SH3BP4: variants seen among roughly 807,000 people sequenced by gnomAD.
SH3BP4 encodes SH3 domain-binding protein 4.
Under a neutral mutation model 65.5 loss-of-function variants are expected in SH3BP4, and 33 were observed. The ratio of observed to expected loss-of-function variants is 0.50; its 90% CI spans 0.38 to 0.67. The LOEUF is 0.67. Among genes scored for constraint, SH3BP4 ranks in the 30% least tolerant of loss-of-function variants. The pLI is 0.00. For missense variants in SH3BP4, 1,134 were observed against 1,261.4 expected (o/e 0.90, Z 1.53); for synonymous variants, 552 against 545.5 (o/e 1.01, Z -0.17).
At position 235,041,554 on chromosome 2, in the gene SH3BP4, C is replaced by A; in HGVS notation, c.785C>A (p.Ser262Ter). ...CAAGCCAAGTCCGATGCTCCCACAT[C>A]GTCGAGTTTCTTCACCGGCTTGAAA... ...VLQAKSDAPT[S>*]SSFFTGLKSP... The change falls in exon 4 of 6, where the codon TCG becomes TAG. Residue 262 changes from serine to a stop codon, truncating the protein, a stop_gained. Coordinates refer to ENST00000392011, the MANE Select transcript of SH3BP4 (RefSeq NM_014521.3). LOFTEE classifies it high-confidence loss of function. This position sits in a 1 kb window ranked among gnomAD's most constrained non-coding sequence, Gnocchi z 6.0. The A allele has an allele frequency of 6.2e-7, 1 of 1,614,140 alleles. No homozygotes were observed. Among genetic ancestry groups the A allele is most frequent in the Non-Finnish European group, 8.5e-7 (1 of 1,180,044 alleles).
intron 1 of SH3BP4, among the ~76,000 whole-genome samples, chr2:234,958,390 C>T (rs1341024357): frequency 1.3e-5 from 2 of 151,936 alleles, no homozygotes. Context: ...CACACGAGGC[C>T]CCTGGGGTGC....
intron 1 of SH3BP4, among the ~76,000 whole-genome samples, chr2:234,962,635 C>T (rs372279244): frequency 1.2e-4 from 19 of 152,250 alleles, no homozygotes; most frequent in African/African-American, 1.7e-4. Context: ...CAGATATTTT[C>T]GCTTGAAGTA....
At chr2:234,985,205 G>A (rs112662904) in intron 1 of SH3BP4, among the ~76,000 whole-genome samples, 1,762 of 152,266 alleles carry the variant, frequency 0.012, 40 homozygotes, top group African/African-American at 0.037. Flanking sequence ...TACTATAGCT[G>A]GCCTTCACTT....
intron 1 of SH3BP4, among the ~76,000 whole-genome samples, chr2:234,963,029 C>T (rs560017309): frequency 1.6e-4 from 25 of 152,272 alleles, no homozygotes; most frequent in Admixed American, 5.2e-4. Context: ...GGATTACAGG[C>T]GTGAGCCACC....
At chr2:234,993,800 C>T (rs564824974) in intron 1 of SH3BP4, among the ~76,000 whole-genome samples, 1 of 152,216 alleles carries the variant, frequency 6.6e-6, no homozygotes, top group African/African-American at 2.4e-5. Flanking sequence ...GGACGGATGG[C>T]GGCGTCCTGC....
At chr2:234,961,308 G>C (rs1692701860) in intron 1 of SH3BP4, among the ~76,000 whole-genome samples, 1 of 152,176 alleles carries the variant, frequency 6.6e-6, no homozygotes, top group Admixed American at 6.5e-5. Flanking sequence ...GTTTTGCTCT[G>C]TCGCCCAGGC....
chr2:234,974,322 A>G lies in SH3BP4; in HGVS notation c.-206-20981A>G, dbSNP rs13414384. On this transcript the variant is annotated intron_variant, in intron 1 of 5. Transcript: ENST00000392011. The surrounding 1 kb of genome is among the most constrained non-coding windows in gnomAD (Gnocchi z 4.6). ...TGGGGTTGCAGTGAGCCAAGATCGC[A>G]CTATTGCACTCCAGCCTGGGCAAAG... is the stretch of plus-strand genomic sequence containing the variant. Among the ~76,000 whole-genome samples, 12,114 of 152,162 alleles carry G rather than the reference A, an allele frequency of 0.08. 697 individuals are homozygous for G. The highest frequency in any genetic ancestry group is 0.16 in the African/African-American group (6,514 of 41,504).
intron 1 of SH3BP4, among the ~76,000 whole-genome samples, chr2:234,979,145 A>G (rs1487089711): frequency 6.6e-6 from 1 of 152,204 alleles, no homozygotes; most frequent in Non-Finnish European, 1.5e-5. Flanking sequence ...GATACAGGTA[A>G]TATTTGAAAA....
Position 235,042,927 on chromosome 2 carries a change from C to T in SH3BP4, c.2158C>T (p.Leu720=). The T allele has an allele frequency of 1.9e-6, 3 of 1,613,222 alleles. No homozygotes were observed. The highest frequency in any genetic ancestry group is 2.2e-5 in the South Asian group (2 of 91,078). The part of the protein sequence containing the change: ...RVGLVHTKNV[L]VVGRARPSLC... ...GGGCCTCGTGCACACCAAGAACGTGCTGGTGGTCGGCAGGGCCCGGCCCAG... is the reference window on the plus strand; with the variant it reads ...GGGCCTCGTGCACACCAAGAACGTGTTGGTGGTCGGCAGGGCCCGGCCCAG... Residue 720 remains leucine (L), a synonymous_variant, in exon 4 of 6, where the codon CTG becomes TTG. Coordinates refer to ENST00000392011, the MANE Select transcript of SH3BP4 (RefSeq NM_014521.3). The surrounding 1 kb of genome is among the most constrained non-coding windows in gnomAD (Gnocchi z 7.3).
At chr2:234,973,695 G>A (rs1041855547) in intron 1 of SH3BP4, among the ~76,000 whole-genome samples, 1 of 151,686 alleles carries the variant, frequency 6.6e-6, no homozygotes, top group Non-Finnish European at 1.5e-5. Context: ...TGTTGCCCAG[G>A]CTGGAGTGGA....
chr2:235,053,494 T>C (rs1574855501), intron 5 of SH3BP4, 98 bp from the exon 6 acceptor site: 1 of 847,304 alleles, frequency 1.2e-6, no homozygotes, highest in Non-Finnish European at 1.9e-6. Flanking sequence ...AAATAGTGAC[T>C]ACTGAAGCTG....
In SH3BP4 at chr2:235,045,616, C is replaced by T. The variant is rs1246503510; in HGVS notation, c.2478+2369C>T. ...AAACTGGTTTTGCAGTGTCCCCACCCGCCCCCCACACCTGTGTCAGTCATC... is the reference window on the plus strand; with the variant it reads ...AAACTGGTTTTGCAGTGTCCCCACCTGCCCCCCACACCTGTGTCAGTCATC... On this transcript the variant is annotated intron_variant, in intron 4 of 5. Transcript: ENST00000392011. The surrounding 1 kb of genome is among the most constrained non-coding windows in gnomAD (Gnocchi z 4.3). Among the ~76,000 whole-genome samples the T allele has an allele frequency of 2.6e-5, 4 of 151,850 alleles. No homozygotes were observed. The highest frequency in any genetic ancestry group is 6.6e-5 in the Admixed American group (1 of 15,254).
At position 235,045,174 on chromosome 2, in the gene SH3BP4, C is replaced by T. The variant is rs1006138302; in HGVS notation, c.2478+1927C>T. Among the ~76,000 whole-genome samples the T allele has an allele frequency of 6.6e-6, 1 of 152,162 alleles. No homozygotes were observed. Among genetic ancestry groups the T allele is most frequent in the Non-Finnish European group, 1.5e-5 (1 of 68,026 alleles). On this transcript the variant is annotated intron_variant, in intron 4 of 5. Transcript: ENST00000392011. This position sits in a 1 kb window ranked among gnomAD's most constrained non-coding sequence, Gnocchi z 4.3. The stretch of plus-strand genomic sequence containing the variant: ...AGTGGCAGACAAAGCGCCTCCATCC[C>T]GTGAGAGCCTCTGTGCGGGCGGCCC...
rs1034829279 is a variant in SH3BP4, at chr2:234,978,588, C to T, written c.-206-16715C>T. 1.3e-5 allele frequency: 2 copies of T among 152,174 alleles called. No individual in the cohort carries two copies. The highest frequency in any genetic ancestry group is 1.9e-4 in the East Asian group (1 of 5,180). The allele number at this position is 152,174 out of a possible 1,614,324, so 9.4% of individuals were successfully genotyped here. On this transcript the variant is annotated intron_variant, in intron 1 of 5. Coordinates refer to ENST00000392011, the MANE Select transcript of SH3BP4 (RefSeq NM_014521.3). This position sits in a 1 kb window ranked among gnomAD's most constrained non-coding sequence, Gnocchi z 4.1. ...AGCCTGTGTAGAAAGTTCTTTTGTC[C>T]GGGTGACATTGGCATGATTGAATCA...
At chr2:234,987,326 GA>G (rs80291215) in intron 1 of SH3BP4, among the ~76,000 whole-genome samples, 45 of 138,998 alleles carry the variant, frequency 3.2e-4, no homozygotes, top group Admixed American at 5.8e-4. Context: ...ATATTTCAAA[GA>G]AAAAAAAAAA....
At chr2:234,993,338 C>G (rs1275778115) in intron 1 of SH3BP4, among the ~76,000 whole-genome samples, 1 of 152,214 alleles carries the variant, frequency 6.6e-6, no homozygotes, top group Non-Finnish European at 1.5e-5. Flanking sequence ...GAGGCTGTTC[C>G]CATCTGTCCT....
In SH3BP4 at chr2:234,977,051, G is replaced by A. The variant is rs1290549409; in HGVS notation, c.-206-18252G>A. ...ACACTCACAGGGAAGCCGGGTGGCG[G>A]GAGGCCTGTGGGAATTCTCTGTATT... is the stretch of plus-strand genomic sequence containing the variant. On this transcript the variant is annotated intron_variant, in intron 1 of 5. Coordinates refer to ENST00000392011, the MANE Select transcript of SH3BP4 (RefSeq NM_014521.3). This position sits in a 1 kb window ranked among gnomAD's most constrained non-coding sequence, Gnocchi z 5.1. Among the ~76,000 whole-genome samples the A allele has an allele frequency of 6.6e-6, 1 of 152,226 alleles. No homozygotes were observed. The highest frequency in any genetic ancestry group is 2.4e-5 in the African/African-American group (1 of 41,458).
intron 2 of SH3BP4, among the ~76,000 whole-genome samples, chr2:235,006,832 G>A (rs1247947048): frequency 6.6e-6 from 1 of 152,172 alleles, no homozygotes; most frequent in African/African-American, 2.4e-5. Flanking sequence ...GGAGATAAAG[G>A]GAGGGGGACT....
chr2:234,984,052 T>G (rs1458945687), intron 1 of SH3BP4, among the ~76,000 whole-genome samples: 1 of 152,194 alleles, frequency 6.6e-6, no homozygotes, highest in Non-Finnish European at 1.5e-5. Flanking sequence ...CATCTGAGGT[T>G]GGGGCTGGGC....
Sources: allele counts gnomAD v4.1 joint callset (sites outside exome capture counted in the v4.1 genomes callset), GRCh38; gene constraint gnomAD v4.1.1; non-coding constraint Gnocchi (gnomAD v3.1); transcripts MANE v1.5; gene names NCBI Gene and HGNC (gene_info 2026-07-23, HGNC 2026-07-21).